HGSNAT: variants seen among roughly 807,000 people sequenced by gnomAD.
HGSNAT encodes transmembrane protein 76.
HGSNAT carries 59 observed loss-of-function variants against 85.2 expected under a neutral mutation model. That is an observed-to-expected ratio of 0.69 (90% CI 0.56 to 0.86). The LOEUF (loss-of-function observed/expected upper bound fraction) is 0.86. Ranked by LOEUF, HGSNAT falls within the 40% of genes least tolerant of loss-of-function variation. HGSNAT has a pLI of 0.00. For missense variants in HGSNAT, 756 were observed against 777.1 expected (o/e 0.97, Z 0.32); for synonymous variants, 321 against 304.5 (o/e 1.05, Z -0.56).
At position 43,199,468 on chromosome 8, in the gene HGSNAT, C is replaced by A. The variant is rs780787173; in HGVS notation, c.1807C>A (p.Gln603Lys). ...CTTTCAGTGGAAGCTGAAGGACAAC[C>A]AGTCCCACAAGGAGCACCTGACTCA... is the stretch of plus-strand genomic sequence containing the variant. ...FPFQWKLKDN[Q>K]SHKEHLTQNI... Residue 603 changes from glutamine (Q) to lysine (K), a missense_variant, in exon 18 of 18, where the codon CAG becomes AAG. Transcript: ENST00000379644. 1.1e-5 allele frequency: 18 copies of A among 1,612,336 alleles called. No homozygotes were observed. The highest frequency in any genetic ancestry group is 3.3e-5 in the Admixed American group (2 of 59,826).
intron 2 of HGSNAT, among the ~76,000 whole-genome samples, chr8:43,149,798 G>A (rs1802843019): frequency 6.6e-6 from 1 of 152,046 alleles, no homozygotes; most frequent in Non-Finnish European, 1.5e-5. Flanking sequence ...CATACATTTA[G>A]TAAACCAGAT....
Position 43,182,243 on chromosome 8 carries a change from C to G in HGSNAT, c.1111C>G (p.Pro371Ala). 6.2e-7 allele frequency: 1 copy of G among 1,613,160 alleles called. No individual in the cohort carries two copies. Among genetic ancestry groups the G allele is most frequent in the Non-Finnish European group, 8.5e-7 (1 of 1,179,232 alleles). Residue 371 changes from proline to alanine, a missense_variant, in exon 11 of 18, where the codon CCT becomes GCT. Physicochemically the swap from Pro to Ala is conservative, Grantham distance 27. Coordinates refer to ENST00000379644, the MANE Select transcript of HGSNAT (RefSeq NM_152419.3). ...VLELLFAKPV[P>A]EHCASERSCL... ...GGAGCTCCTCTTTGCTAAACCTGTG[C>G]CTGAACATTGTGCCTCGGTGAGAAA...
chr8:43,154,294 T>G lies in HGSNAT; in HGVS notation c.235-4281T>G, dbSNP rs1803017784. Among the ~76,000 whole-genome samples, 4 of 151,872 alleles carry G rather than the reference T, an allele frequency of 2.6e-5. No individual in the cohort carries two copies. In the South Asian group the frequency reaches 8.3e-4, roughly 32 times the overall value. On this transcript the variant is annotated intron_variant, in intron 2 of 17. Coordinates refer to ENST00000379644, the MANE Select transcript of HGSNAT (RefSeq NM_152419.3). Reference sequence around the variant, plus strand: ...GTGCCATGTTGGTGTGCTGCACCCATTAACTCATCATTTAACATTAGGTAT... The same window carrying G: ...GTGCCATGTTGGTGTGCTGCACCCAGTAACTCATCATTTAACATTAGGTAT...
chr8:43,188,767 C>A (rs992473183), intron 11 of HGSNAT, among the ~76,000 whole-genome samples: 3 of 152,142 alleles, frequency 2.0e-5, no homozygotes, highest in Admixed American at 2.0e-4. Flanking sequence ...CTGTTTTCTC[C>A]CCATCTTTGT....
chr8:43,167,273 T>G (rs924759277), intron 5 of HGSNAT, among the ~76,000 whole-genome samples: 5 of 152,164 alleles, frequency 3.3e-5, no homozygotes, highest in Admixed American at 6.6e-5. Context: ...GGTCTAACTG[T>G]GGGTAAAATG....
At position 43,147,061 on chromosome 8, in the gene HGSNAT, C is replaced by G. The variant is rs1802741553; in HGVS notation, c.232C>G (p.His78Asp). The G allele has an allele frequency of 6.4e-7, 1 of 1,569,788 alleles. No homozygotes were observed. The highest frequency in any genetic ancestry group is 8.7e-7 in the Non-Finnish European group (1 of 1,146,744). ...TVYWKSECCYHCLFQVLVNVP... is the reference protein window; with the variant it reads ...TVYWKSECCYDCLFQVLVNVP... The stretch of plus-strand genomic sequence containing the variant: ...CTACTGGAAATCTGAATGCTGTTAT[C>G]ACGTATGTATCAGTTCACACTCAGT... The change falls in exon 2 of 18, where the codon CAC (histidine) becomes GAC (aspartate). Residue 78 changes from histidine (H) to aspartate (D), a missense_variant and splice_region_variant. His to Asp is a moderately conservative substitution (Grantham distance 81). Coordinates refer to ENST00000379644, the MANE Select transcript of HGSNAT (RefSeq NM_152419.3).
chr8:43,193,987 T>C, intron 14 of HGSNAT, 144 bp downstream of exon 14: 1 of 1,407,086 alleles, frequency 7.1e-7, no homozygotes, highest in Non-Finnish European at 9.3e-7. Context: ...TTTGACAGAT[T>C]GTGCAGAACC....
chr8:43,153,500 A>C (rs891284642), intron 2 of HGSNAT, among the ~76,000 whole-genome samples: 2 of 152,164 alleles, frequency 1.3e-5, no homozygotes, highest in Middle Eastern at 3.2e-3. Context: ...GCCAATGTAC[A>C]CGTTGGGTAA....
intron 11 of HGSNAT, among the ~76,000 whole-genome samples, chr8:43,189,737 T>C (rs757152523): frequency 6.6e-6 from 1 of 152,146 alleles, no homozygotes; most frequent in Non-Finnish European, 1.5e-5. Flanking sequence ...TTCGGCCATC[T>C]TGGAACCTCC....
chr8:43,174,838 T>C (rs543003498), intron 9 of HGSNAT, among the ~76,000 whole-genome samples: 17 of 152,368 alleles, frequency 1.1e-4, no homozygotes, highest in African/African-American at 4.1e-4. Context: ...CACCCTGTCA[T>C]GCTATCAAAT....
At chr8:43,157,714 G>C (rs1355509271) in intron 2 of HGSNAT, among the ~76,000 whole-genome samples, 1 of 152,148 alleles carries the variant, frequency 6.6e-6, no homozygotes, top group Non-Finnish European at 1.5e-5. Context: ...GGAGGTGAAG[G>C]TTGCAGTGAG....
chr8:43,147,796 G>C (rs1802764748), intron 2 of HGSNAT, among the ~76,000 whole-genome samples: 1 of 152,156 alleles, frequency 6.6e-6, no homozygotes. Flanking sequence ...CTAGAGCTGA[G>C]TAGTACCTAT....
chr8:43,149,722 T>A (rs558374902), intron 2 of HGSNAT, among the ~76,000 whole-genome samples: 111 of 152,018 alleles, frequency 7.3e-4, no homozygotes, highest in Admixed American at 5.0e-3. Flanking sequence ...AATTTTTTTT[T>A]AAATTTTAAG....
chr8:43,150,657 C>A (rs1802881352), intron 2 of HGSNAT, among the ~76,000 whole-genome samples: 1 of 152,004 alleles, frequency 6.6e-6, no homozygotes, highest in Non-Finnish European at 1.5e-5. Context: ...CACGGTGAAA[C>A]CCTGTCTCTA....
intron 10 of HGSNAT, 51 bp downstream of exon 10, chr8:43,178,285 T>C (rs1021814978): frequency 5.8e-5 from 77 of 1,320,140 alleles, no homozygotes; most frequent in Non-Finnish European, 7.6e-5. Context: ...ATATGGAAAC[T>C]ATATGTTGTA....
At chr8:43,174,701 G>A (rs578077108) in intron 9 of HGSNAT, among the ~76,000 whole-genome samples, 54 of 152,312 alleles carry the variant, frequency 3.5e-4, no homozygotes, top group Non-Finnish European at 7.1e-4. Context: ...CATACAATGT[G>A]TAATAATCAC....
At chr8:43,194,804 C>T (rs1206884820) in intron 14 of HGSNAT, among the ~76,000 whole-genome samples, 2 of 152,166 alleles carry the variant, frequency 1.3e-5, no homozygotes, top group Non-Finnish European at 2.9e-5. Context: ...AAGAGAAGCC[C>T]CAGAGACCTG....
intron 11 of HGSNAT, among the ~76,000 whole-genome samples, chr8:43,183,132 A>G (rs1586741413): frequency 6.6e-6 from 1 of 152,206 alleles, no homozygotes; most frequent in African/African-American, 2.4e-5. Context: ...TGTCAGGAAC[A>G]TGCACAATCC....
At chr8:43,183,810 G>A (rs530116519) in intron 11 of HGSNAT, among the ~76,000 whole-genome samples, 19 of 151,920 alleles carry the variant, frequency 1.3e-4, no homozygotes, top group African/African-American at 2.4e-4. Context: ...AACAGGCCCC[G>A]GTGTGTGATG....
Sources: gnomAD v4.1 joint callset for allele counts (sites outside exome capture counted in the v4.1 genomes callset) on GRCh38, gnomAD v4.1.1 for gene constraint, MANE v1.5 for transcripts, NCBI Gene and HGNC (gene_info 2026-07-23, HGNC 2026-07-21) for gene names.